PLCH2: variants seen among roughly 807,000 people sequenced by gnomAD.
PLCH2 encodes the protein phospholipase C eta 2, also known as 1-phosphatidylinositol 4,5-bisphosphate phosphodiesterase eta-2.
PLCH2 carries 98 observed loss-of-function variants against 134.7 expected under a neutral mutation model. The ratio of observed to expected loss-of-function variants is 0.73; its 90% CI spans 0.62 to 0.86. The LOEUF (loss-of-function observed/expected upper bound fraction) is 0.86. PLCH2 is among the 40% of genes least tolerant of loss of function. The pLI, the probability that PLCH2 is intolerant of heterozygous loss-of-function variation, is 0.00. For missense variants in PLCH2, 1,994 were observed against 1,986.6 expected, an observed-to-expected ratio of 1.00 and a Z score of -0.07; for synonymous variants, 974 against 827.5, an observed-to-expected ratio of 1.18 and a Z score of -3.04.
At chr1:2,478,650 A>AT in intron 2 of PLCH2, 28 bp downstream of exon 2, 1 of 1,588,576 alleles carries the variant, frequency 6.3e-7, no homozygotes, top group Non-Finnish European at 8.6e-7. Flanking sequence ...GGTGGGGACA[A>AT]ATCAGAGTCC....
At chr1:2,492,844 C>T (rs1473270812) in intron 11 of PLCH2, among the ~76,000 whole-genome samples, 5 of 152,120 alleles carry the variant, frequency 3.3e-5, no homozygotes, top group Non-Finnish European at 7.4e-5. Context: ...GACGTGAGAC[C>T]TCTACTCACG....
chr1:2,497,692 C>T, intron 16 of PLCH2, 83 bp downstream of exon 16: 1 of 985,444 alleles, frequency 1.0e-6, no homozygotes, highest in Non-Finnish European at 1.5e-6. Context: ...GATCGGAGCC[C>T]CACAGGCTAG....
chr1:2,421,014 G>A (rs1340288912), upstream of PLCH2, among the ~76,000 whole-genome samples: 1 of 148,864 alleles, frequency 6.7e-6, no homozygotes, highest in Non-Finnish European at 1.5e-5. Context: ...GTGCGATCTC[G>A]GCTCACTGCA....
At chr1:2,441,839 G>A (rs574753960) in intron 2 of PLCH2, among the ~76,000 whole-genome samples, 1 of 152,152 alleles carries the variant, frequency 6.6e-6, no homozygotes, top group Non-Finnish European at 1.5e-5. Flanking sequence ...TCCACAGCCC[G>A]CATTAAGGCA....
rs185592204 is a variant in PLCH2, at chr1:2,488,630, T to G, written c.1236-577T>G. ...TAAAAATCCAAGTAAAACATACACA[T>G]GGTTAAAAATGAAGCTGAAAAGCTT... is the stretch of plus-strand genomic sequence containing the variant. On this transcript the variant is annotated intron_variant, in intron 8 of 21. Transcript: ENST00000378486. Among the ~76,000 whole-genome samples the G allele has an allele frequency of 1.1e-3, 165 of 152,332 alleles. 4 individuals carry two copies. The East Asian group carries it at 0.022, about 20-fold the overall frequency.
In PLCH2 at chr1:2,498,806, G is replaced by C; in HGVS notation, c.2412G>C (p.Gln804His). The change falls in exon 18 of 22, where the codon CAG (glutamine) becomes CAC (histidine). Residue 804 changes from glutamine to histidine, a missense_variant. Transcript: ENST00000378486. This position sits in a 1 kb window ranked among gnomAD's most constrained non-coding sequence, Gnocchi z 5.4. ...TCCCTGTGGACTGCAGCAGGGAGCA[G>C]ACCCGCGTGGTGGACGACAACGGTG... ...IGLPVDCSRE[Q>H]TRVVDDNGFN... 6.2e-7 allele frequency: 1 copy of C among 1,610,938 alleles called. No homozygotes were observed. Among genetic ancestry groups the C allele is most frequent in the Non-Finnish European group, 8.5e-7 (1 of 1,178,720 alleles).
upstream of PLCH2, among the ~76,000 whole-genome samples, chr1:2,466,716 G>A (rs999845668): frequency 6.6e-6 from 1 of 152,236 alleles, no homozygotes; most frequent in Admixed American, 6.5e-5. Context: ...ATGGGTGGAC[G>A]TCTCTTTTGT....
Position 2,436,446 on chromosome 1 carries a change from TC to T in PLCH2, c.115+5820del, listed in dbSNP as rs773887260. Reference sequence around the variant, plus strand: ...TCCTCCTTTCTCCCTCCTCCCTTCCTCCCTTCCTCCCTCCACCTTTCCTCCT... The same window carrying T: ...TCCTCCTTTCTCCCTCCTCCCTTCCTCCTTCCTCCCTCCACCTTTCCTCCT... On this transcript the variant is annotated intron_variant, in intron 2 of 3. Transcript: ENST00000609981. Among the ~76,000 whole-genome samples the T allele has an allele frequency of 6.7e-3, 216 of 32,110 alleles. 44 individuals are homozygous for T. The highest frequency in any genetic ancestry group is 0.043 in the East Asian group (16 of 368). The allele number at this position is 32,110 out of a possible 152,430, so 21.1% of individuals were successfully genotyped here. A position where few individuals can be genotyped will look rare whatever the true frequency, so the allele number is the denominator to read the frequency against.
chr1:2,483,975 A>G (rs1190168855), intron 4 of PLCH2, among the ~76,000 whole-genome samples: 1 of 79,108 alleles, frequency 1.3e-5, no homozygotes, highest in Non-Finnish European at 2.4e-5. Context: ...GGGGGCGCTG[A>G]CTCCCGTGTG....
chr1:2,441,325 T>C (rs1557948910), intron 2 of PLCH2, among the ~76,000 whole-genome samples: 1 of 152,170 alleles, frequency 6.6e-6, no homozygotes, highest in Non-Finnish European at 1.5e-5. Context: ...CAAGCAGGCG[T>C]CGCATCCGGC....
rs1175856163 is a variant in PLCH2 at position 2,448,643 on chromosome 1, C to G, written c.115+18014C>G. Among the ~76,000 whole-genome samples the G allele has an allele frequency of 6.6e-6, 1 of 152,178 alleles. No individual in the cohort carries two copies. The highest frequency in any genetic ancestry group is 2.4e-5 in the African/African-American group (1 of 41,450). On this transcript the variant is annotated intron_variant, in intron 2 of 3. Coordinates refer to the PLCH2 transcript ENST00000609981. This position sits in a 1 kb window ranked among gnomAD's most constrained non-coding sequence, Gnocchi z 4.0. ...CCCTACTGTGGCCGTGTGCTCCACC[C>G]CAGCACCCCCGCCCGAGGCAGGCCC...
chr1:2,436,549 TTCCTC>T (rs1481282994), intron 2 of PLCH2, among the ~76,000 whole-genome samples: 4 of 87,086 alleles, frequency 4.6e-5, no homozygotes, highest in Non-Finnish European at 4.2e-5. Context: ...CCCTCCTCCC[TTCCTC>T]CCTCCACCTT....
intron 1 of PLCH2, among the ~76,000 whole-genome samples, chr1:2,471,203 C>A (rs1318977062): frequency 6.6e-6 from 1 of 152,184 alleles, no homozygotes; most frequent in Non-Finnish European, 1.5e-5. Flanking sequence ...GAAGGGGAGC[C>A]CACTCTGGGA....
At chr1:2,459,331 GGTGGTCCTCCTTCCTGGTGGTTCTCCTTC>G (rs1640656064) in intron 2 of PLCH2, among the ~76,000 whole-genome samples, 1 of 151,616 alleles carries the variant, frequency 6.6e-6, no homozygotes, top group Non-Finnish European at 1.5e-5. Flanking sequence ...CCTCCTTCCT[GGTGGTCCTCCTTCCTGGTGGTTCTCCTTC>G]CTGGTGGTCC....
chr1:2,494,844 C>T lies in PLCH2; in HGVS notation c.1660-12C>T. 1.9e-6 allele frequency: 3 copies of T among 1,588,676 alleles called. No homozygotes were observed. Among genetic ancestry groups the T allele is most frequent in the Non-Finnish European group, 2.6e-6 (3 of 1,164,766 alleles). On this transcript the variant is annotated splice_polypyrimidine_tract_variant and intron_variant, in intron 11 of 21. Coordinates refer to ENST00000378486, the MANE Select transcript of PLCH2 (RefSeq NM_014638.4). ...TAGACTCACCTTGTCCCTGTCTCTC[C>T]CCTGGACTCAGAGCAAGGCTGAAGA...
chr1:2,499,243 G>A lies in PLCH2; in HGVS notation c.2581+13G>A. The A allele has an allele frequency of 1.2e-6, 2 of 1,612,086 alleles. No homozygotes were observed. The highest frequency in any genetic ancestry group is 1.7e-6 in the Non-Finnish European group (2 of 1,179,530). ...AGCATGATGCCAGGTGGGCAGGAGT[G>A]GACACGGTGCCCCCCACACTGGCCG... On this transcript the variant is annotated intron_variant, in intron 19 of 21. Transcript: ENST00000378486.
chr1:2,450,445 T>C (rs1037764377), intron 2 of PLCH2, among the ~76,000 whole-genome samples: 3 of 151,786 alleles, frequency 2.0e-5, no homozygotes, highest in Middle Eastern at 3.4e-3. Context: ...GAAAAGGAGC[T>C]CGTTACCAAG....
intron 2 of PLCH2, among the ~76,000 whole-genome samples, chr1:2,442,768 C>G (rs1260947437): frequency 6.6e-6 from 1 of 152,204 alleles, no homozygotes; most frequent in Non-Finnish European, 1.5e-5. Flanking sequence ...AGGAGCCCTT[C>G]TTGTTCCAGA....
intron 5 of PLCH2, among the ~76,000 whole-genome samples, chr1:2,485,269 T>G (rs1339930914): frequency 6.6e-6 from 1 of 152,238 alleles, no homozygotes; most frequent in African/African-American, 2.4e-5. Flanking sequence ...TTCAGGGCTC[T>G]GGCCATCTTG....
Sources: gnomAD v4.1 joint callset for allele counts (sites outside exome capture counted in the v4.1 genomes callset) on GRCh38, gnomAD v4.1.1 for gene constraint, Gnocchi (gnomAD v3.1) non-coding constraint, MANE v1.5 for transcripts, NCBI Gene and HGNC (gene_info 2026-07-23, HGNC 2026-07-21) for gene names.